Variants in KCNK2 observed in about 807,000 individuals in gnomAD.
KCNK2 encodes potassium channel subfamily K member 2.
KCNK2 carries 21 observed loss-of-function variants against 40.5 expected under a neutral mutation model. That is an observed-to-expected ratio of 0.52 (90% CI 0.37 to 0.75). The LOEUF is 0.75. Ranked by LOEUF, KCNK2 falls within the 30% of genes least tolerant of loss-of-function variation. The pLI, the probability that KCNK2 is intolerant of heterozygous loss-of-function variation, is 0.00. For synonymous variants in KCNK2, 191 were observed against 202.2 expected, an observed-to-expected ratio of 0.94 and a Z score of 0.47; for missense variants, 399 against 531.6, an observed-to-expected ratio of 0.75 and a Z score of 2.45.
intron 1 of KCNK2, among the ~76,000 whole-genome samples, chr1:215,040,557 T>C (rs1224632003): frequency 6.6e-6 from 1 of 152,176 alleles, no homozygotes; most frequent in Non-Finnish European, 1.5e-5. Context: ...TGGGGCTTAA[T>C]AGAAACAGAG....
intron 6 of KCNK2, among the ~76,000 whole-genome samples, chr1:215,216,065 A>G (rs535677445): frequency 1.3e-5 from 2 of 152,302 alleles, no homozygotes; most frequent in Non-Finnish European, 2.9e-5. Flanking sequence ...TGGCAGTGCT[A>G]TATTTAGTTT....
chr1:215,096,544 A>G (rs895292876), intron 2 of KCNK2, among the ~76,000 whole-genome samples: 12 of 151,938 alleles, frequency 7.9e-5, no homozygotes, highest in African/African-American at 2.7e-4. Context: ...GGGCTTTGAC[A>G]CAGAAGACTT....
intron 2 of KCNK2, among the ~76,000 whole-genome samples, chr1:215,122,264 CAT>C (rs951583003): frequency 4.6e-5 from 7 of 152,002 alleles, no homozygotes; most frequent in African/African-American, 1.4e-4. Context: ...AAACATTTAA[CAT>C]ATGTGAAGTA....
At position 215,144,515 on chromosome 1, in the gene KCNK2, C is replaced by T. The variant is rs532787051; in HGVS notation, c.475+19765C>T. Among the ~76,000 whole-genome samples the T allele has an allele frequency of 3.3e-5, 5 of 152,206 alleles. No homozygotes were observed. The South Asian group carries it at 1.0e-3, about 32-fold the overall frequency. ...GTCAAGGCACGGCTCGTTCCTTACA[C>T]CCTTATTTCAAGTAAAATTATATTC... is the stretch of plus-strand genomic sequence containing the variant. On this transcript the variant is annotated intron_variant, in intron 3 of 6. Coordinates refer to ENST00000444842, the MANE Select transcript of KCNK2 (RefSeq NM_001017425.3).
chr1:215,139,473 A>G (rs1213346914), intron 3 of KCNK2, among the ~76,000 whole-genome samples: 1 of 152,126 alleles, frequency 6.6e-6, no homozygotes. Flanking sequence ...TTTGTTTGCA[A>G]TGGGTATTTT....
Position 215,052,676 on chromosome 1 carries a change from C to T in KCNK2, c.35-33692C>T, listed in dbSNP as rs1384044111. On this transcript the variant is annotated intron_variant, in intron 1 of 6. Coordinates refer to the KCNK2 transcript ENST00000391895. ...CCTCTACAACAGGAATTGTTAGCCCCCTAAAATGTCAGCAGTGCCAAGGTT... is the reference window on the plus strand; with the variant it reads ...CCTCTACAACAGGAATTGTTAGCCCTCTAAAATGTCAGCAGTGCCAAGGTT... 2.6e-5 allele frequency among the ~76,000 whole-genome samples: 4 copies of T among 152,142 alleles called. No individual in the cohort carries two copies. In the South Asian group the frequency reaches 8.3e-4, roughly 32 times the overall value.
intron 1 of KCNK2, among the ~76,000 whole-genome samples, chr1:215,010,351 G>T (rs915619561): frequency 3.9e-5 from 6 of 152,202 alleles, no homozygotes; most frequent in African/African-American, 1.4e-4. Context: ...TACGCATTCT[G>T]TACAATGCTT....
At chr1:215,115,422 C>G (rs1660888585) in intron 2 of KCNK2, among the ~76,000 whole-genome samples, 1 of 152,046 alleles carries the variant, frequency 6.6e-6, no homozygotes, top group Non-Finnish European at 1.5e-5. Flanking sequence ...TTTTTCTTCT[C>G]ATCAGTTTAG....
chr1:215,122,680 A>G (rs934762947), intron 2 of KCNK2, among the ~76,000 whole-genome samples: 5 of 152,026 alleles, frequency 3.3e-5, no homozygotes, highest in African/African-American at 1.2e-4. Context: ...TTGTAAATGG[A>G]AACAACCTTC....
At chr1:215,017,747 A>G (rs1656641571) in intron 1 of KCNK2, among the ~76,000 whole-genome samples, 1 of 152,194 alleles carries the variant, frequency 6.6e-6, no homozygotes, top group African/African-American at 2.4e-5. Context: ...CAAAACAAGT[A>G]TGTGAGGTAA....
chr1:215,125,623 G>C (rs1297354435), intron 3 of KCNK2, among the ~76,000 whole-genome samples: 1 of 151,740 alleles, frequency 6.6e-6, no homozygotes, highest in African/African-American at 2.4e-5. Context: ...AGCATTAGGA[G>C]ATACACCTAA....
chr1:215,086,160 C>G (rs1659425835), intron 1 of KCNK2, among the ~76,000 whole-genome samples: 1 of 152,122 alleles, frequency 6.6e-6, no homozygotes, highest in Non-Finnish European at 1.5e-5. Context: ...ACTCCAATAG[C>G]AGCAGAGAGC....
chr1:215,172,010 G>C lies in KCNK2; in HGVS notation c.650G>C (p.Ser217Thr). Reference sequence around the variant, plus strand: ...TCTCATCCCTAGAAGTGGAATGTTAGTCAGACCAAGATTCGCATCATCTCA... The same window carrying C: ...TCTCATCCCTAGAAGTGGAATGTTACTCAGACCAAGATTCGCATCATCTCA... ...VEDTFIKWNV[S>T]QTKIRIISTI... is the part of the protein sequence containing the mutation. The change falls in exon 5 of 7, where the codon AGT (serine) becomes ACT (threonine). Residue 217 changes from serine to threonine, a missense_variant. Coordinates refer to ENST00000444842, the MANE Select transcript of KCNK2 (RefSeq NM_001017425.3). 1 of 1,611,882 alleles carries C rather than the reference G, an allele frequency of 6.2e-7. No individual in the cohort carries two copies. Among genetic ancestry groups the C allele is most frequent in the Non-Finnish European group, 8.5e-7 (1 of 1,178,962 alleles).
intron 6 of KCNK2, among the ~76,000 whole-genome samples, chr1:215,203,750 A>G (rs1665179121): frequency 6.6e-6 from 1 of 152,098 alleles, no homozygotes. Context: ...AGAAATTTCA[A>G]ATATGTTGGA....
intron 2 of KCNK2, among the ~76,000 whole-genome samples, chr1:215,119,702 C>T (rs1220261876): frequency 6.6e-6 from 1 of 152,192 alleles, no homozygotes; most frequent in Admixed American, 6.5e-5. Flanking sequence ...TCCATCTTCG[C>T]TTATCTTAAC....
intron 2 of KCNK2, among the ~76,000 whole-genome samples, chr1:215,090,936 C>A (rs1394017497): frequency 6.6e-6 from 1 of 152,042 alleles, no homozygotes; most frequent in African/African-American, 2.4e-5. Flanking sequence ...TGAGGACCTC[C>A]AATGTGTTTA....
chr1:215,169,780 G>A (rs564467153), intron 4 of KCNK2, among the ~76,000 whole-genome samples: 36 of 151,976 alleles, frequency 2.4e-4, no homozygotes, highest in African/African-American at 8.0e-4. Flanking sequence ...TGAGTAGCTG[G>A]AATTATAGGC....
chr1:215,176,553 C>T (rs947347302), intron 5 of KCNK2, among the ~76,000 whole-genome samples: 4 of 152,012 alleles, frequency 2.6e-5, no homozygotes, highest in Admixed American at 6.6e-5. Flanking sequence ...GTGTTCTCAT[C>T]GATCAGCTCA....
intron 6 of KCNK2, among the ~76,000 whole-genome samples, chr1:215,202,933 GT>G (rs1275917156): frequency 6.6e-6 from 1 of 152,060 alleles, no homozygotes; most frequent in Non-Finnish European, 1.5e-5. Flanking sequence ...CTTATCTGTT[GT>G]TGTTATTATT....
Sources: gnomAD v4.1 joint callset for allele counts (sites outside exome capture counted in the v4.1 genomes callset) on GRCh38, gnomAD v4.1.1 for gene constraint, MANE v1.5 for transcripts, NCBI Gene and HGNC (gene_info 2026-07-23, HGNC 2026-07-21) for gene names.